RNF220: variants seen among roughly 807,000 people sequenced by gnomAD.
RNF220 encodes the protein ring finger protein 220.
RNF220 carries 7 observed loss-of-function variants against 67.1 expected under a neutral mutation model. That is an observed-to-expected ratio of 0.10 (90% CI 0.06 to 0.20). The LOEUF (loss-of-function observed/expected upper bound fraction) is 0.20, where lower values mean the gene tolerates loss of function less well. RNF220 is among the 10% of genes least tolerant of loss of function. RNF220 has a pLI of 1.00. For synonymous variants in RNF220, 270 were observed against 283.2 expected, an observed-to-expected ratio of 0.95 and a Z score of 0.47; for missense variants, 565 against 740.3, an observed-to-expected ratio of 0.76 and a Z score of 2.75.
chr1:44,523,328 C>A (rs1423861092), intron 2 of RNF220, among the ~76,000 whole-genome samples: 1 of 152,202 alleles, frequency 6.6e-6, no homozygotes, highest in African/African-American at 2.4e-5. Flanking sequence ...AGGCCCCAGG[C>A]AGCCTGTTTG....
At chr1:44,634,093 T>C (rs909091430) in intron 6 of RNF220, among the ~76,000 whole-genome samples, 10 of 152,206 alleles carry the variant, frequency 6.6e-5, no homozygotes, top group Non-Finnish European at 1.3e-4. Flanking sequence ...TTTGGGTCTT[T>C]CTGGGGTTGC....
At chr1:44,421,127 G>T (rs1305334975) in intron 2 of RNF220, among the ~76,000 whole-genome samples, 1 of 152,224 alleles carries the variant, frequency 6.6e-6, no homozygotes, top group East Asian at 1.9e-4. Flanking sequence ...TTTCTCCCTT[G>T]TTTTATTTAG....
intron 2 of RNF220, among the ~76,000 whole-genome samples, chr1:44,526,301 A>AC (rs1299818437): frequency 6.6e-6 from 1 of 151,764 alleles, no homozygotes; most frequent in African/African-American, 2.4e-5. Flanking sequence ...GTTGTTGTAA[A>AC]CCCTTCCCTC....
At chr1:44,593,894 G>A (rs1484797558) in intron 2 of RNF220, among the ~76,000 whole-genome samples, 5 of 151,994 alleles carry the variant, frequency 3.3e-5, no homozygotes, top group Non-Finnish European at 7.4e-5. Flanking sequence ...AGACCAGCCT[G>A]GCCAACATGG....
intron 2 of RNF220, among the ~76,000 whole-genome samples, chr1:44,437,785 T>C (rs1392320678): frequency 6.6e-6 from 1 of 152,236 alleles, no homozygotes; most frequent in African/African-American, 2.4e-5. Context: ...CTTTTCATTG[T>C]CTTGCTTTCA....
Position 44,446,540 on chromosome 1 carries a change from G to A in RNF220, c.625+33818G>A, listed in dbSNP as rs369011736. The stretch of plus-strand genomic sequence containing the variant: ...CTGTCTTTGCTCAAAAAGAGGGACC[G>A]GGCCGTTCCTTGGAGTAACCTTTTT... On this transcript the variant is annotated intron_variant, in intron 2 of 14. Transcript: ENST00000361799. Among the ~76,000 whole-genome samples the A allele has an allele frequency of 2.4e-4, 36 of 151,964 alleles. No individual in the cohort carries two copies. The South Asian group carries it at 4.2e-3, about 18-fold the overall frequency.
At chr1:44,637,061 GC>G (rs1644351007) in intron 8 of RNF220, among the ~76,000 whole-genome samples, 1 of 152,246 alleles carries the variant, frequency 6.6e-6, no homozygotes, top group South Asian at 2.1e-4. Context: ...CTTCCCGTCT[GC>G]CTCTCTCTCT....
chr1:44,506,537 GT>G lies in RNF220; in HGVS notation c.625+93818del, dbSNP rs112662083. Among the ~76,000 whole-genome samples, 1,327 of 152,348 alleles carry G rather than the reference GT, an allele frequency of 8.7e-3. 26 individuals are homozygous for G. The highest frequency in any genetic ancestry group is 0.03 in the African/African-American group (1,267 of 41,582). ...AAGTGGATCCTCCTGGCCTTCATCT[GT>G]TTGCCCCTGGGGGTCATCTATCAGC... On this transcript the variant is annotated intron_variant, in intron 2 of 14. Coordinates refer to ENST00000361799, the MANE Select transcript of RNF220 (RefSeq NM_018150.4).
chr1:44,641,175 CTG>C (rs1204544643), intron 8 of RNF220, among the ~76,000 whole-genome samples: 5 of 152,102 alleles, frequency 3.3e-5, no homozygotes, highest in African/African-American at 1.2e-4. Context: ...TCAGTTTTCA[CTG>C]TGAGGAGAAG....
intron 2 of RNF220, among the ~76,000 whole-genome samples, chr1:44,612,331 G>T (rs1291401081): frequency 6.6e-6 from 1 of 152,150 alleles, no homozygotes; most frequent in Admixed American, 6.5e-5. Flanking sequence ...TAAATATAAA[G>T]ATAGATAAGA....
At chr1:44,545,874 A>G (rs1358310133) in intron 2 of RNF220, among the ~76,000 whole-genome samples, 1 of 151,708 alleles carries the variant, frequency 6.6e-6, no homozygotes, top group East Asian at 1.9e-4. Context: ...CTCCTGCCAC[A>G]GTCTCCCGAG....
Position 44,644,784 on chromosome 1 carries a change from G to A in RNF220, c.1213G>A (p.Gly405Arg). Residue 405 changes from glycine (G) to arginine (R), a missense_variant, in exon 9 of 15, where the codon GGG becomes AGG. Coordinates refer to ENST00000361799, the MANE Select transcript of RNF220 (RefSeq NM_018150.4). The part of the protein sequence containing the change: ...DVDGDDTLEY[G>R]KPQYTEADVI... Reference sequence around the variant, plus strand: ...GGATGGGGATGACACTCTGGAGTATGGGAAGCCACAGTATCCTTGGAGCAC... The same window carrying A: ...GGATGGGGATGACACTCTGGAGTATAGGAAGCCACAGTATCCTTGGAGCAC... 1.2e-6 allele frequency: 2 copies of A among 1,613,726 alleles called. No homozygotes were observed. Among genetic ancestry groups the A allele is most frequent in the Non-Finnish European group, 1.7e-6 (2 of 1,179,620 alleles).
chr1:44,532,235 C>T (rs1660891126), intron 2 of RNF220, among the ~76,000 whole-genome samples: 1 of 152,188 alleles, frequency 6.6e-6, no homozygotes, highest in South Asian at 2.1e-4. Flanking sequence ...GAGCCTGTCA[C>T]CACTTTATGA....
At position 44,651,628 on chromosome 1, in the gene RNF220, G is replaced by A. The variant is rs2822; in HGVS notation, c.*853G>A. On this transcript the variant is annotated 3_prime_UTR_variant, in exon 15 of 15. Coordinates refer to ENST00000361799, the MANE Select transcript of RNF220 (RefSeq NM_018150.4). Reference sequence around the variant, plus strand: ...TCTCCCCGACCCTCCCGTGGGCCCTGTGGTGTGATGCTGTGTCTGTATATT... The same window carrying A: ...TCTCCCCGACCCTCCCGTGGGCCCTATGGTGTGATGCTGTGTCTGTATATT... 0.23 allele frequency: 35,428 copies of A among 152,454 alleles called. 5,088 individuals are homozygous for A. The highest frequency in any genetic ancestry group is 0.35 in the Middle Eastern group (103 of 294). The allele number at this position is 152,454 out of a possible 1,614,324, so 9.4% of individuals were successfully genotyped here.
At position 44,650,377 on chromosome 1, in the gene RNF220, TA is replaced by T. The variant is rs1644759435; in HGVS notation, c.1630-323del. ...TTAAAATGTCGCCCGGAGACAGTAA[TA>T]AAAGGCTCGGACGTGGGCTCTGTGT... On this transcript the variant is annotated intron_variant, in intron 14 of 14. Transcript: ENST00000361799. This position sits in a 1 kb window ranked among gnomAD's most constrained non-coding sequence, Gnocchi z 4.3. The T allele has an allele frequency of 9.1e-6, 4 of 440,898 alleles. No homozygotes were observed. Among genetic ancestry groups the T allele is most frequent in the Non-Finnish European group, 1.6e-5 (4 of 242,508 alleles). 27.3% of individuals were successfully genotyped at this position (440,898 alleles called of 1,614,324 possible). A position where few individuals can be genotyped will look rare whatever the true frequency, so the allele number is the denominator to read the frequency against.
At chr1:44,533,649 G>A (rs148446166) in intron 2 of RNF220, among the ~76,000 whole-genome samples, 1 of 152,302 alleles carries the variant, frequency 6.6e-6, no homozygotes, top group Non-Finnish European at 1.5e-5. Context: ...AGGTTCAAAA[G>A]CTATTGATTG....
intron 2 of RNF220, among the ~76,000 whole-genome samples, chr1:44,540,548 TCACTC>T (rs1004724844): frequency 6.6e-6 from 1 of 152,160 alleles, no homozygotes. Context: ...TCCCTCTCAC[TCACTC>T]CCCCTCGCCT....
chr1:44,632,172 C>A (rs779233946), intron 5 of RNF220, 171 bp from the exon 6 acceptor site: 1 of 1,561,752 alleles, frequency 6.4e-7, no homozygotes, highest in Non-Finnish European at 8.7e-7. Context: ...GAGCCCGGAG[C>A]GGCCGGAGGA....
At chr1:44,497,745 T>C (rs1657468925) in intron 2 of RNF220, among the ~76,000 whole-genome samples, 2 of 152,182 alleles carry the variant, frequency 1.3e-5, no homozygotes, top group Non-Finnish European at 2.9e-5. Flanking sequence ...ACAATTCCCC[T>C]CATCCCTGGT....
Sources: allele counts gnomAD v4.1 joint callset (sites outside exome capture counted in the v4.1 genomes callset), GRCh38; gene constraint gnomAD v4.1.1; non-coding constraint Gnocchi (gnomAD v3.1); transcripts MANE v1.5; gene names NCBI Gene and HGNC (gene_info 2026-07-23, HGNC 2026-07-21).